The following RARB variants were observed in gnomAD, a reference collection of about 807,000 sequenced individuals.
RARB encodes the protein HBV-activated protein.
RARB carries 17 observed loss-of-function variants against 51.9 expected under a neutral mutation model. That is an observed-to-expected ratio of 0.33 (90% CI 0.22 to 0.49). RARB has a LOEUF of 0.49. Among genes scored for constraint, RARB ranks in the 20% least tolerant of loss-of-function variants. RARB has a pLI of 0.99. For synonymous variants in RARB, 215 were observed against 195.4 expected, an observed-to-expected ratio of 1.10 and a Z score of -0.84; for missense variants, 369 against 550.8, an observed-to-expected ratio of 0.67 and a Z score of 3.30.
intron 1 of RARB, among the ~76,000 whole-genome samples, chr3:25,446,789 C>A (rs1460025453): frequency 8.5e-6 from 1 of 118,042 alleles, no homozygotes. Flanking sequence ...GGTGACAGAG[C>A]CAGACTCCGT....
intron 4 of RARB, among the ~76,000 whole-genome samples, chr3:25,157,392 T>C (rs956658357): frequency 8.3e-6 from 1 of 119,788 alleles, no homozygotes; most frequent in East Asian, 2.7e-4. Context: ...ATATATATGG[T>C]TTTTTTTGTT....
intron 4 of RARB, among the ~76,000 whole-genome samples, chr3:25,145,162 A>G (rs1466789772): frequency 6.6e-6 from 1 of 152,200 alleles, no homozygotes; most frequent in African/African-American, 2.4e-5. Flanking sequence ...AATATTGACA[A>G]TAAAATTGCT....
intron 5 of RARB, among the ~76,000 whole-genome samples, chr3:25,319,515 A>G (rs1333645695): frequency 6.6e-6 from 1 of 152,200 alleles, no homozygotes; most frequent in Non-Finnish European, 1.5e-5. Context: ...TCCATCTCTT[A>G]GCCCAGACAA....
chr3:25,011,390 T>C (rs181403022), intron 2 of RARB, among the ~76,000 whole-genome samples: 1 of 152,266 alleles, frequency 6.6e-6, no homozygotes, highest in African/African-American at 2.4e-5. Context: ...CATGTACTTA[T>C]GACAGTGATT....
intron 3 of RARB, among the ~76,000 whole-genome samples, chr3:25,088,167 C>T (rs1002633396): frequency 1.3e-5 from 2 of 151,926 alleles, no homozygotes; most frequent in Non-Finnish European, 2.9e-5. Flanking sequence ...TTGGTGAAAC[C>T]TTGTTGTGAT....
chr3:25,181,485 A>C (rs147639742), intron 5 of RARB, among the ~76,000 whole-genome samples: 1 of 152,246 alleles, frequency 6.6e-6, no homozygotes, highest in South Asian at 2.1e-4. Context: ...TGTGCTTTTG[A>C]GTGCCATGCT....
intron 2 of RARB, among the ~76,000 whole-genome samples, chr3:24,867,149 G>T (rs1023664208): frequency 2.6e-5 from 4 of 152,112 alleles, no homozygotes; most frequent in African/African-American, 7.2e-5. Flanking sequence ...GCTGGCAATT[G>T]TTTATGTCTA....
chr3:24,868,147 G>A (rs531053072), intron 2 of RARB, among the ~76,000 whole-genome samples: 2 of 152,226 alleles, frequency 1.3e-5, no homozygotes, highest in East Asian at 3.9e-4. Flanking sequence ...TCTTTTTAAT[G>A]TAGCTTCAAT....
At chr3:24,954,330 T>A (rs1207449768) in intron 2 of RARB, among the ~76,000 whole-genome samples, 1 of 152,146 alleles carries the variant, frequency 6.6e-6, no homozygotes, top group Non-Finnish European at 1.5e-5. Flanking sequence ...CTTTGTAGAA[T>A]TAGTGGGTAA....
At chr3:25,507,865 G>T (rs181414112) in intron 3 of RARB, among the ~76,000 whole-genome samples, 77 of 152,234 alleles carry the variant, frequency 5.1e-4, no homozygotes, top group South Asian at 3.1e-3. Context: ...AGGTTCCCAT[G>T]GGTCATTGGC....
intron 3 of RARB, among the ~76,000 whole-genome samples, chr3:25,513,551 C>T (rs1575476824): frequency 6.6e-6 from 1 of 152,024 alleles, no homozygotes; most frequent in East Asian, 1.9e-4. Flanking sequence ...TGAGTGATAG[C>T]ATGTTACCCC....
chr3:25,435,172 T>C (rs1281688915), intron 1 of RARB, among the ~76,000 whole-genome samples: 1 of 152,200 alleles, frequency 6.6e-6, no homozygotes, highest in Non-Finnish European at 1.5e-5. Flanking sequence ...ACTGTCCTAA[T>C]TTGACCCATA....
intron 3 of RARB, among the ~76,000 whole-genome samples, chr3:25,546,084 C>T (rs1699605268): frequency 6.6e-6 from 1 of 151,880 alleles, no homozygotes; most frequent in African/African-American, 2.4e-5. Context: ...AGGGAACAGC[C>T]AGTGCAGAAG....
At chr3:25,301,744 G>A (rs982598970) in intron 5 of RARB, among the ~76,000 whole-genome samples, 8 of 152,172 alleles carry the variant, frequency 5.3e-5, no homozygotes, top group African/African-American at 1.7e-4. Flanking sequence ...TGAGGCTCTT[G>A]CGGTGGCAGT....
chr3:25,547,182 C>A (rs1451438328), intron 3 of RARB, among the ~76,000 whole-genome samples: 8 of 152,140 alleles, frequency 5.3e-5, no homozygotes, highest in Non-Finnish European at 8.8e-5. Context: ...ATGGAGAAGG[C>A]CTGGGAGAGT....
At chr3:25,390,633 T>C (rs965262122) in intron 5 of RARB, among the ~76,000 whole-genome samples, 1 of 152,184 alleles carries the variant, frequency 6.6e-6, no homozygotes, top group Non-Finnish European at 1.5e-5. Context: ...GGAAATCTAT[T>C]CAAATAGAAT....
intron 5 of RARB, among the ~76,000 whole-genome samples, chr3:25,335,341 G>A (rs1439827207): frequency 6.6e-6 from 1 of 152,202 alleles, no homozygotes; most frequent in Non-Finnish European, 1.5e-5. Context: ...AGAAGGCAGA[G>A]CCAGTGGATT....
intron 3 of RARB, among the ~76,000 whole-genome samples, chr3:25,526,359 C>T (rs915387847): frequency 1.3e-5 from 2 of 152,032 alleles, no homozygotes; most frequent in African/African-American, 4.8e-5. Context: ...GCAGTGTAGC[C>T]CATTGATAAG....
At chr3:25,538,080 T>C (rs1303469701) in intron 3 of RARB, among the ~76,000 whole-genome samples, 1 of 151,490 alleles carries the variant, frequency 6.6e-6, no homozygotes, top group African/African-American at 2.4e-5. Context: ...CAATGAAACT[T>C]TTTTTTTTAA....
Sources: allele counts gnomAD v4.1 joint callset (sites outside exome capture counted in the v4.1 genomes callset), GRCh38; gene constraint gnomAD v4.1.1; transcripts MANE v1.5; gene names NCBI Gene and HGNC (gene_info 2026-07-23, HGNC 2026-07-21).